Variants in ZNF423 observed in about 807,000 individuals in gnomAD.
ZNF423 encodes zinc finger protein 423.
A neutral mutation model predicts 95.8 loss-of-function variants in ZNF423; 12 were observed. The ratio of observed to expected loss-of-function variants is 0.13; its 90% CI spans 0.08 to 0.20. The LOEUF is 0.20. Ranked by LOEUF, ZNF423 falls within the 10% of genes least tolerant of loss-of-function variation. The probability of loss-of-function intolerance (pLI) is 1.00; values close to 1 mark genes in which losing one functional copy is unlikely to be tolerated. For missense variants in ZNF423, 1,316 were observed against 1,737.1 expected (o/e 0.76, Z 4.31); for synonymous variants, 749 against 711.9 (o/e 1.05, Z -0.83).
At chr16:49,716,374 G>A (rs187414504) in intron 3 of ZNF423, among the ~76,000 whole-genome samples, 5 of 152,166 alleles carry the variant, frequency 3.3e-5, no homozygotes, top group East Asian at 1.9e-4. Context: ...ATCCAAGGGC[G>A]GGGACAGAGG....
chr16:49,576,850 T>C (rs1342025686), intron 5 of ZNF423, among the ~76,000 whole-genome samples: 1 of 152,246 alleles, frequency 6.6e-6, no homozygotes, highest in Non-Finnish European at 1.5e-5. Context: ...CTTTATTATA[T>C]GTAGTCTTTG....
At chr16:49,819,111 G>A (rs558602235) in intron 1 of ZNF423, among the ~76,000 whole-genome samples, 2 of 151,576 alleles carry the variant, frequency 1.3e-5, no homozygotes, top group South Asian at 4.2e-4. Flanking sequence ...AAATTAGCCG[G>A]GCGTGGTAGT....
chr16:49,506,528 G>T lies in ZNF423; in HGVS notation c.3850-15224C>A, dbSNP rs563787816. On this transcript the variant is annotated intron_variant, in intron 7 of 7. Coordinates refer to ENST00000563137, the MANE Select transcript of ZNF423 (RefSeq NM_001379286.1). ...TGTGTAGGTGATGGACAGATGTATGGATGGATGGAAAGGTGGGTGGATAGA... is the reference window on the plus strand; with the variant it reads ...TGTGTAGGTGATGGACAGATGTATGTATGGATGGAAAGGTGGGTGGATAGA... Among the ~76,000 whole-genome samples, 84 of 118,468 alleles carry T rather than the reference G, an allele frequency of 7.1e-4. 3 individuals carry two copies. Among genetic ancestry groups the T allele is most frequent in the African/African-American group, 3.0e-3 (79 of 26,658 alleles). The allele number at this position is 118,468 out of a possible 152,430, so 77.7% of individuals were successfully genotyped here. A position where few individuals can be genotyped will look rare whatever the true frequency, so the allele number is the denominator to read the frequency against.
intron 3 of ZNF423, among the ~76,000 whole-genome samples, chr16:49,730,094 C>T (rs1044475052): frequency 2.6e-5 from 4 of 152,144 alleles, no homozygotes; most frequent in Middle Eastern, 3.2e-3. Context: ...CCAGGGAATG[C>T]ACATGCCCTC....
At chr16:49,833,914 C>T (rs999935217) in intron 1 of ZNF423, among the ~76,000 whole-genome samples, 2 of 152,146 alleles carry the variant, frequency 1.3e-5, no homozygotes, top group South Asian at 2.1e-4. Context: ...CTCCTGTACT[C>T]GGTCAGGCCA....
intron 1 of ZNF423, among the ~76,000 whole-genome samples, chr16:49,820,587 T>C (rs2144019858): frequency 6.6e-6 from 1 of 152,318 alleles, no homozygotes; most frequent in South Asian, 2.1e-4. Context: ...ATTTTTGCTC[T>C]AAAATAGATT....
Position 49,841,637 on chromosome 16 carries a change from C to T in ZNF423, c.40+14098G>A, listed in dbSNP as rs2040766328. ...GATTCCCCTACCAAAGGGAATCCCC[C>T]GAAACTCTCTCACCCCTCCCACAGC... On this transcript the variant is annotated intron_variant, in intron 1 of 7. Coordinates refer to ENST00000563137, the MANE Select transcript of ZNF423 (RefSeq NM_001379286.1). 2.6e-5 allele frequency among the ~76,000 whole-genome samples: 4 copies of T among 152,210 alleles called. No homozygotes were observed. The South Asian group carries it at 8.3e-4, about 32-fold the overall frequency.
intron 5 of ZNF423, among the ~76,000 whole-genome samples, chr16:49,568,134 G>A (rs749326628): frequency 6.6e-6 from 1 of 152,142 alleles, no homozygotes; most frequent in African/African-American, 2.4e-5. Context: ...TGTATGCCAT[G>A]CCTCTGGATA....
chr16:49,824,797 G>A (rs1011194128), intron 1 of ZNF423, among the ~76,000 whole-genome samples: 1 of 152,094 alleles, frequency 6.6e-6, no homozygotes, highest in Non-Finnish European at 1.5e-5. Flanking sequence ...CAAATGCCAC[G>A]CTGCCCAGAA....
chr16:49,561,224 T>C (rs1036130457), intron 5 of ZNF423, among the ~76,000 whole-genome samples: 3 of 152,176 alleles, frequency 2.0e-5, no homozygotes, highest in African/African-American at 4.8e-5. Flanking sequence ...TAGACTGAAA[T>C]TGGCCCACAG....
chr16:49,671,781 C>A (rs545417005), intron 3 of ZNF423, among the ~76,000 whole-genome samples: 2 of 152,140 alleles, frequency 1.3e-5, no homozygotes, highest in South Asian at 4.2e-4. Context: ...ACCTCCTGGG[C>A]TCAAGAGATT....
At chr16:49,585,655 C>T (rs957272290) in intron 5 of ZNF423, among the ~76,000 whole-genome samples, 38 of 152,320 alleles carry the variant, frequency 2.5e-4, no homozygotes, top group Non-Finnish European at 3.8e-4. Flanking sequence ...CGGCAATTAG[C>T]CGGCTGACTG....
chr16:49,570,160 G>C (rs1597117169), intron 5 of ZNF423, among the ~76,000 whole-genome samples: 3 of 152,214 alleles, frequency 2.0e-5, no homozygotes. Flanking sequence ...GTAGAAAAAG[G>C]ACTTCTAATC....
intron 1 of ZNF423, chr16:49,854,380 A>T: frequency 1.0e-6 from 1 of 985,332 alleles, no homozygotes; most frequent in Non-Finnish European, 1.2e-6. Flanking sequence ...GTGTCTCAAG[A>T]TCCTCCTTGC....
At chr16:49,581,005 G>A (rs569913503) in intron 5 of ZNF423, among the ~76,000 whole-genome samples, 5 of 152,268 alleles carry the variant, frequency 3.3e-5, no homozygotes, top group African/African-American at 9.6e-5. Context: ...CGCTCCAGCC[G>A]TGATATTTAT....
chr16:49,839,846 C>T (rs1385346223), intron 1 of ZNF423, among the ~76,000 whole-genome samples: 1 of 152,202 alleles, frequency 6.6e-6, no homozygotes, highest in African/African-American at 2.4e-5. Flanking sequence ...GACCTCCAGG[C>T]CCCCAGCTCC....
chr16:49,715,631 G>A (rs2143192957), intron 3 of ZNF423, among the ~76,000 whole-genome samples: 1 of 152,250 alleles, frequency 6.6e-6, no homozygotes, highest in Admixed American at 6.5e-5. Context: ...CATAGTCCTA[G>A]CTACTGGGGA....
chr16:49,709,820 C>T (rs955291757), intron 3 of ZNF423, among the ~76,000 whole-genome samples: 9 of 152,150 alleles, frequency 5.9e-5, no homozygotes, highest in Non-Finnish European at 1.0e-4. Context: ...TTACCAGACA[C>T]GGAATCTCCT....
intron 3 of ZNF423, among the ~76,000 whole-genome samples, chr16:49,716,117 G>A (rs773105746): frequency 3.3e-5 from 5 of 152,156 alleles, no homozygotes; most frequent in African/African-American, 4.8e-5. Flanking sequence ...TGAGGACAGC[G>A]GAGGGCAGTT....
Sources: gnomAD v4.1 joint callset for allele counts (sites outside exome capture counted in the v4.1 genomes callset) on GRCh38, gnomAD v4.1.1 for gene constraint, MANE v1.5 for transcripts, NCBI Gene and HGNC (gene_info 2026-07-23, HGNC 2026-07-21) for gene names.